SPIRE1: variants seen among roughly 807,000 people sequenced by gnomAD.
The protein encoded by SPIRE1 is spire type actin nucleation factor 1, also known as protein spire homolog 1.
SPIRE1 carries 40 observed loss-of-function variants against 94.1 expected under a neutral mutation model. The observed-to-expected ratio is 0.43, with a 90% CI of 0.33 to 0.55. SPIRE1 has a LOEUF of 0.55. Ranked by LOEUF, SPIRE1 falls within the 20% of genes least tolerant of loss-of-function variation. The pLI is 0.06. For missense variants in SPIRE1, 838 were observed against 975.2 expected (o/e 0.86, Z 1.87); for synonymous variants, 376 against 371.7 (o/e 1.01, Z -0.13).
intron 3 of SPIRE1, among the ~76,000 whole-genome samples, chr18:12,540,097 G>T (rs971895315): frequency 6.6e-6 from 1 of 152,066 alleles, no homozygotes. Flanking sequence ...CCTAAGGAAA[G>T]AGTGTCCCAG....
intron 1 of SPIRE1, among the ~76,000 whole-genome samples, chr18:12,635,764 C>G (rs2037906316): frequency 6.6e-6 from 1 of 152,150 alleles, no homozygotes; most frequent in South Asian, 2.1e-4. Context: ...CTGACAAAAA[C>G]ATACTTCTTA....
chr18:12,508,334 A>T (rs1223088598), intron 5 of SPIRE1, among the ~76,000 whole-genome samples: 2 of 152,192 alleles, frequency 1.3e-5, no homozygotes, highest in Non-Finnish European at 2.9e-5. Flanking sequence ...AGCTACCAAA[A>T]AATATAAAAA....
chr18:12,640,205 C>A (rs577499321), intron 1 of SPIRE1, among the ~76,000 whole-genome samples: 3 of 152,144 alleles, frequency 2.0e-5, no homozygotes, highest in African/African-American at 4.8e-5. Flanking sequence ...TTCAAACTAG[C>A]TGAATAAGCA....
At chr18:12,451,021 A>T in intron 16 of SPIRE1, 1 of 522,774 alleles carries the variant, frequency 1.9e-6, no homozygotes, top group Non-Finnish European at 3.5e-6. Context: ...AAAAGGAAGA[A>T]GGAGGGGAGG....
intron 4 of SPIRE1, among the ~76,000 whole-genome samples, chr18:12,525,276 C>CAAAAAAAAAAAAAAAAA (rs1170791088): frequency 2.8e-5 from 2 of 71,500 alleles, no homozygotes; most frequent in African/African-American, 5.5e-5. Flanking sequence ...GACTCCGTCT[C>CAAAAAAAAAAAAAAAAA]AAAAAAAAAA....
At chr18:12,651,501 C>G (rs1170023393) in intron 1 of SPIRE1, among the ~76,000 whole-genome samples, 1 of 151,984 alleles carries the variant, frequency 6.6e-6, no homozygotes, top group Non-Finnish European at 1.5e-5. Flanking sequence ...ATGGTGAAAC[C>G]CGTGTCTACT....
intron 2 of SPIRE1, among the ~76,000 whole-genome samples, chr18:12,590,488 C>T (rs1187827263): frequency 6.6e-6 from 1 of 151,952 alleles, no homozygotes; most frequent in Non-Finnish European, 1.5e-5. Context: ...GTTTTCGGGC[C>T]TAAAGAAGAA....
chr18:12,485,655 A>G (rs2033010751), intron 9 of SPIRE1, among the ~76,000 whole-genome samples: 1 of 152,122 alleles, frequency 6.6e-6, no homozygotes, highest in Non-Finnish European at 1.5e-5. Flanking sequence ...CTTTAACCTC[A>G]TTGCTCTAGA....
intron 3 of SPIRE1, among the ~76,000 whole-genome samples, chr18:12,535,840 AGCTACTCAG>A (rs1484882360): frequency 6.6e-6 from 1 of 152,178 alleles, no homozygotes; most frequent in Non-Finnish European, 1.5e-5. Context: ...CTGTAATCCC[AGCTACTCAG>A]GAAGCTGAGG....
At chr18:12,596,279 G>C (rs999696051) in intron 2 of SPIRE1, among the ~76,000 whole-genome samples, 7 of 152,302 alleles carry the variant, frequency 4.6e-5, no homozygotes, top group Admixed American at 1.3e-4. Flanking sequence ...CGTTTCATTT[G>C]TCAAATAAAC....
At chr18:12,566,484 G>T (rs9967026) in intron 2 of SPIRE1, among the ~76,000 whole-genome samples, 13,898 of 152,162 alleles carry the variant, frequency 0.091, 742 homozygotes, top group Middle Eastern at 0.16. Flanking sequence ...TTCTTAATTG[G>T]TCTAATAGCT....
At chr18:12,505,561 A>AC (rs200986614) in intron 6 of SPIRE1, among the ~76,000 whole-genome samples, 6,586 of 151,758 alleles carry the variant, frequency 0.043, 160 homozygotes, top group South Asian at 0.093. Context: ...TCAAAAAAAA[A>AC]AAAAAACAAA....
intron 1 of SPIRE1, among the ~76,000 whole-genome samples, chr18:12,655,559 T>C (rs1325107867): frequency 6.6e-6 from 1 of 152,202 alleles, no homozygotes. Context: ...AAGAGAATTA[T>C]AAACCTATTG....
chr18:12,467,690 G>A (rs569525395), intron 10 of SPIRE1, among the ~76,000 whole-genome samples: 13 of 152,266 alleles, frequency 8.5e-5, no homozygotes, highest in African/African-American at 2.9e-4. Context: ...AGTGGTTCAC[G>A]CCTGTAATCC....
intron 2 of SPIRE1, among the ~76,000 whole-genome samples, chr18:12,604,357 C>T (rs998799864): frequency 3.9e-5 from 6 of 152,122 alleles, no homozygotes; most frequent in African/African-American, 1.4e-4. Flanking sequence ...AAGAATCCAC[C>T]AGAGAACTGG....
At chr18:12,644,508 A>G (rs2038169982) in intron 1 of SPIRE1, among the ~76,000 whole-genome samples, 1 of 152,178 alleles carries the variant, frequency 6.6e-6, no homozygotes, top group Non-Finnish European at 1.5e-5. Flanking sequence ...GTGGCAAAAG[A>G]AGGAAAAAAA....
At chr18:12,513,818 C>T (rs1043655378) in intron 4 of SPIRE1, among the ~76,000 whole-genome samples, 4 of 151,844 alleles carry the variant, frequency 2.6e-5, no homozygotes, top group African/African-American at 4.8e-5. Context: ...CCACTGCTCC[C>T]GGTCTGAAAT....
intron 2 of SPIRE1, among the ~76,000 whole-genome samples, chr18:12,623,068 T>C (rs374412778): frequency 6.2e-4 from 95 of 152,352 alleles, no homozygotes; most frequent in African/African-American, 2.1e-3. Context: ...AAAAATACTC[T>C]AAACAGCCAC....
intron 2 of SPIRE1, among the ~76,000 whole-genome samples, chr18:12,567,222 T>C (rs2035842689): frequency 6.6e-6 from 1 of 152,132 alleles, no homozygotes; most frequent in East Asian, 1.9e-4. Context: ...ACCACTTACA[T>C]GAGCACCCCC....
Sources: gnomAD v4.1 joint callset for allele counts (sites outside exome capture counted in the v4.1 genomes callset) on GRCh38, gnomAD v4.1.1 for gene constraint, MANE v1.5 for transcripts, NCBI Gene and HGNC (gene_info 2026-07-23, HGNC 2026-07-21) for gene names.